Variants in DOCK1 observed in about 807,000 individuals in gnomAD.
DOCK1 encodes the protein dedicator of cytokinesis 1.
DOCK1 carries 138 observed loss-of-function variants against 262.7 expected under a neutral mutation model. The observed-to-expected ratio is 0.53, with a 90% CI of 0.46 to 0.61. The LOEUF (loss-of-function observed/expected upper bound fraction) is 0.61. Among genes scored for constraint, DOCK1 ranks in the 20% least tolerant of loss-of-function variants. The probability of loss-of-function intolerance (pLI) is 0.00; values close to 1 mark genes in which losing one functional copy is unlikely to be tolerated. For synonymous variants in DOCK1, 866 were observed against 867.4 expected, an observed-to-expected ratio of 1.00 and a Z score of 0.03; for missense variants, 1,908 against 2,370.7, an observed-to-expected ratio of 0.80 and a Z score of 4.05.
At chr10:126,946,688 G>C (rs1467620230) in intron 1 of DOCK1, among the ~76,000 whole-genome samples, 2 of 152,160 alleles carry the variant, frequency 1.3e-5, no homozygotes, top group African/African-American at 4.8e-5. Context: ...TTTGTGCCTG[G>C]CTAATTTCGC....
intron 23 of DOCK1, among the ~76,000 whole-genome samples, chr10:127,064,621 C>T (rs986271991): frequency 5.3e-5 from 8 of 152,176 alleles, no homozygotes; most frequent in African/African-American, 1.4e-4. Flanking sequence ...TCCCAGCGGC[C>T]GTCTCCCGTC....
chr10:126,995,846 T>G lies in DOCK1; in HGVS notation c.474-902T>G, dbSNP rs2040153702. 6.6e-6 allele frequency among the ~76,000 whole-genome samples: 1 copy of G among 152,192 alleles called. No homozygotes were observed. Among genetic ancestry groups the G allele is most frequent in the African/African-American group, 2.4e-5 (1 of 41,458 alleles). Reference sequence around the variant, plus strand: ...TGGTGTTCACATACAATAGAACATCTGTATTGAAAATCTTCCTGTGGCCTC... The same window carrying G: ...TGGTGTTCACATACAATAGAACATCGGTATTGAAAATCTTCCTGTGGCCTC... On this transcript the variant is annotated intron_variant, in intron 6 of 51. Transcript: ENST00000623213. The surrounding 1 kb of genome is among the most constrained non-coding windows in gnomAD (Gnocchi z 5.8).
chr10:126,931,127 T>G (rs917064032), intron 1 of DOCK1, among the ~76,000 whole-genome samples: 1 of 151,408 alleles, frequency 6.6e-6, no homozygotes. Flanking sequence ...AGGGATGGAG[T>G]ATCTCGGAAA....
chr10:127,244,157 C>T (rs940386943), intron 27 of DOCK1, among the ~76,000 whole-genome samples: 6 of 149,968 alleles, frequency 4.0e-5, no homozygotes, highest in Non-Finnish European at 7.5e-5. Flanking sequence ...AGGTAAACAA[C>T]AGTTTTTTTT....
intron 29 of DOCK1, among the ~76,000 whole-genome samples, chr10:127,338,085 A>T (rs774669594): frequency 6.6e-6 from 1 of 152,192 alleles, no homozygotes; most frequent in Non-Finnish European, 1.5e-5. Flanking sequence ...CTAGTAAGTA[A>T]CCTACATTTC....
rs373525458 is a variant in DOCK1 at position 127,425,942 on chromosome 10, C to T, written c.4845C>T (p.His1615=). 113 of 1,613,954 alleles carry T rather than the reference C, an allele frequency of 7.0e-5. No individual in the cohort carries two copies. The African/African-American group carries it at 1.1e-3, about 15-fold the overall frequency. Residue 1615 remains histidine, a synonymous_variant, in exon 47 of 52, where the codon CAC becomes CAT. Coordinates refer to ENST00000623213, the MANE Select transcript of DOCK1 (RefSeq NM_001290223.2). ...TCACGGAGGCACTGAGGCCGTTCCACGAGAGGATGGAGGCCTGTTTCAAAC... is the reference window on the plus strand; with the variant it reads ...TCACGGAGGCACTGAGGCCGTTCCATGAGAGGATGGAGGCCTGTTTCAAAC... The part of the protein sequence containing the change: ...DKVTEALRPF[H]ERMEACFKQL...
intron 22 of DOCK1, among the ~76,000 whole-genome samples, chr10:127,060,231 GGAAAAAT>G (rs1159713830): frequency 6.6e-6 from 1 of 152,100 alleles, no homozygotes. Flanking sequence ...TGTCCTGAGG[GGAAAAAT>G]GATTGCAGCT....
At chr10:127,145,431 A>T (rs560328724) in intron 27 of DOCK1, among the ~76,000 whole-genome samples, 4 of 152,332 alleles carry the variant, frequency 2.6e-5, no homozygotes, top group African/African-American at 9.6e-5. Context: ...CGTAGCCTGC[A>T]GAACACTGCT....
intron 27 of DOCK1, among the ~76,000 whole-genome samples, chr10:127,221,784 T>G (rs1437261906): frequency 3.3e-5 from 5 of 152,220 alleles, no homozygotes; most frequent in Admixed American, 2.6e-4. Context: ...TGAGCTCTTG[T>G]ATGAAGCTGG....
intron 50 of DOCK1, among the ~76,000 whole-genome samples, chr10:127,445,060 A>G (rs10830065): frequency 0.33 from 49,608 of 151,704 alleles, 8,385 homozygotes; most frequent in East Asian, 0.44. Context: ...CAAAGACCCT[A>G]CATCCAAATA....
At chr10:127,102,366 G>C (rs1330567996) in intron 23 of DOCK1, among the ~76,000 whole-genome samples, 1 of 152,144 alleles carries the variant, frequency 6.6e-6, no homozygotes, top group Non-Finnish European at 1.5e-5. Context: ...CTAGAAACTT[G>C]TCTGACAGGT....
chr10:127,194,484 T>C (rs2056962475), intron 27 of DOCK1, among the ~76,000 whole-genome samples: 1 of 152,196 alleles, frequency 6.6e-6, no homozygotes, highest in African/African-American at 2.4e-5. Context: ...AATAGTACAG[T>C]GTGGGGGAAT....
chr10:127,449,957 C>T lies in DOCK1; in HGVS notation c.5566-1375C>T, dbSNP rs148528208. ...TACTTGGCATAGAGGTCATTTGCAG[C>T]GCTGTGTTGGTATCAGGCTGTGTTA... On this transcript the variant is annotated intron_variant, in intron 51 of 51. Coordinates refer to ENST00000623213, the MANE Select transcript of DOCK1 (RefSeq NM_001290223.2). 1.4e-4 allele frequency among the ~76,000 whole-genome samples: 21 copies of T among 152,256 alleles called. No individual in the cohort carries two copies. In the East Asian group the frequency reaches 2.5e-3, roughly 18 times the overall value.
intron 47 of DOCK1, among the ~76,000 whole-genome samples, chr10:127,431,316 G>A (rs1042338582): frequency 2.0e-5 from 3 of 152,192 alleles, no homozygotes; most frequent in African/African-American, 7.2e-5. Flanking sequence ...AAGGAATTAT[G>A]CGGCAGACCG....
At chr10:127,409,698 T>G (rs925642425) in intron 42 of DOCK1, among the ~76,000 whole-genome samples, 44 of 151,948 alleles carry the variant, frequency 2.9e-4, no homozygotes, top group African/African-American at 1.0e-3. Flanking sequence ...CCCTGTGGGG[T>G]ACAATCCCCT....
intron 1 of DOCK1, among the ~76,000 whole-genome samples, chr10:126,946,682 T>G (rs1444195536): frequency 2.6e-5 from 4 of 152,230 alleles, no homozygotes; most frequent in African/African-American, 9.6e-5. Flanking sequence ...TGTCCTTTTG[T>G]GCCTGGCTAA....
At chr10:127,128,081 T>A (rs1235192589) in intron 27 of DOCK1, 1 of 176,658 alleles carries the variant, frequency 5.7e-6, no homozygotes, top group Non-Finnish European at 1.2e-5. Context: ...TAAAATTTTA[T>A]GAAGGACCCT....
rs74660408 is a variant in DOCK1 at position 126,986,569 on chromosome 10, G to A, written c.228-952G>A. Among the ~76,000 whole-genome samples, 1,331 of 152,332 alleles carry A rather than the reference G, an allele frequency of 8.7e-3. 19 individuals are homozygous for A. Among genetic ancestry groups the A allele is most frequent in the African/African-American group, 0.03 (1,265 of 41,570 alleles). ...ACCCAGAGCACATGCCCAGGAAGCAGTGGTTGATTTGATGAAAACGAGCGC... is the reference window on the plus strand; with the variant it reads ...ACCCAGAGCACATGCCCAGGAAGCAATGGTTGATTTGATGAAAACGAGCGC... On this transcript the variant is annotated intron_variant, in intron 4 of 51. Coordinates refer to ENST00000623213, the MANE Select transcript of DOCK1 (RefSeq NM_001290223.2).
At chr10:126,963,254 G>A (rs1291821675) in intron 1 of DOCK1, among the ~76,000 whole-genome samples, 2 of 152,140 alleles carry the variant, frequency 1.3e-5, no homozygotes, top group African/African-American at 4.8e-5. Context: ...GATTTTGATA[G>A]GAGTTGCACT....
Sources: allele counts gnomAD v4.1 joint callset (sites outside exome capture counted in the v4.1 genomes callset), GRCh38; gene constraint gnomAD v4.1.1; non-coding constraint Gnocchi (gnomAD v3.1); transcripts MANE v1.5; gene names NCBI Gene and HGNC (gene_info 2026-07-23, HGNC 2026-07-21).